The following GPR37 variants were observed in gnomAD, a reference collection of about 807,000 sequenced individuals.
GPR37 encodes the protein prosaposin receptor GPR37.
Under a neutral mutation model 43.6 loss-of-function variants are expected in GPR37, and 20 were observed. The ratio of observed to expected loss-of-function variants is 0.46; its 90% CI spans 0.32 to 0.67. The LOEUF is 0.67. Among genes scored for constraint, GPR37 ranks in the 30% least tolerant of loss-of-function variants. The pLI is 0.03. For synonymous variants in GPR37, 315 were observed against 322.6 expected (o/e 0.98, Z 0.25); for missense variants, 724 against 797.2 (o/e 0.91, Z 1.11).
chr7:124,747,268 G>C lies in GPR37; in HGVS notation c.1099C>G (p.Gln367Glu). ...IDRFRAATNV[Q>E]MYYEMIENCS... The stretch of plus-strand genomic sequence containing the variant: ...TTTTCGATCATTTCGTAGTACATCT[G>C]TACGTTGGTGGCAGCACGGAAGCGG... Residue 367 changes from glutamine to glutamate, a missense_variant, in exon 2 of 2, where the codon CAG becomes GAG. Coordinates refer to ENST00000303921, the MANE Select transcript of GPR37 (RefSeq NM_005302.5). 6.2e-7 allele frequency: 1 copy of C among 1,613,852 alleles called. No homozygotes were observed. Among genetic ancestry groups the C allele is most frequent in the Non-Finnish European group, 8.5e-7 (1 of 1,179,850 alleles).
Position 124,763,990 on chromosome 7 carries a change from C to T in GPR37, c.987G>A (p.Leu329=). 1 of 1,614,086 alleles carries T rather than the reference C, an allele frequency of 6.2e-7. No individual in the cohort carries two copies. Among genetic ancestry groups the T allele is most frequent in the Non-Finnish European group, 8.5e-7 (1 of 1,180,032 alleles). Residue 329 remains leucine (L), a synonymous_variant, in exon 1 of 2, where the codon CTG becomes CTA. Coordinates refer to ENST00000303921, the MANE Select transcript of GPR37 (RefSeq NM_005302.5). ...GCACGATCTTGCAGGAGAAGTCCTC[C>T]AGCAGCCACTTCTTGGTCAGCTCGT... ...IFHELTKKWL[L]EDFSCKIVPY...
Position 124,765,375 on chromosome 7 carries a change from G to C in GPR37, c.-399C>G, listed in dbSNP as rs1405247845. On this transcript the variant is annotated 5_prime_UTR_variant, in exon 1 of 2. Transcript: ENST00000303921. ...TTTGGGTGGGGGTGGTGGCCTTCTTGGTAACAGTTGCTCTGCCTATTTACA... is the reference window on the plus strand; with the variant it reads ...TTTGGGTGGGGGTGGTGGCCTTCTTCGTAACAGTTGCTCTGCCTATTTACA... 5 of 188,704 alleles carry C rather than the reference G, an allele frequency of 2.6e-5. No individual in the cohort carries two copies. The highest frequency in any genetic ancestry group is 1.2e-4 in the African/African-American group (5 of 42,914). 11.7% of individuals were successfully genotyped at this position (188,704 alleles called of 1,614,324 possible). A position where few individuals can be genotyped will look rare whatever the true frequency, so the allele number is the denominator to read the frequency against.
chr7:124,760,365 C>T (rs961225558), intron 1 of GPR37, among the ~76,000 whole-genome samples: 1 of 152,088 alleles, frequency 6.6e-6, no homozygotes, highest in South Asian at 2.1e-4. Flanking sequence ...CTTGTAATGT[C>T]CTTCACCAAT....
rs769431932 is a variant in GPR37, at chr7:124,763,940, C to A, written c.1023+14G>T. The A allele has an allele frequency of 2.5e-6, 4 of 1,611,858 alleles. No homozygotes were observed. Among genetic ancestry groups the A allele is most frequent in the Non-Finnish European group, 3.4e-6 (4 of 1,178,912 alleles). On this transcript the variant is annotated intron_variant, in intron 1 of 1. Transcript: ENST00000303921. The stretch of plus-strand genomic sequence containing the variant: ...GATAAAGCCACTAGCTTGAGAGCCC[C>A]TGGAAGGCATTACCTCTATATAGGG...
At chr7:124,759,391 G>A (rs1163166433) in intron 1 of GPR37, among the ~76,000 whole-genome samples, 3 of 152,094 alleles carry the variant, frequency 2.0e-5, no homozygotes, top group Non-Finnish European at 4.4e-5. Flanking sequence ...TTAAACACTT[G>A]TTAGATTCCT....
chr7:124,764,274 G>A lies in GPR37; in HGVS notation c.703C>T (p.Pro235Ser), dbSNP rs750079753. 1.3e-6 allele frequency: 2 copies of A among 1,599,210 alleles called. No individual in the cohort carries two copies. The highest frequency in any genetic ancestry group is 3.4e-5 in the Admixed American group (2 of 58,088). The change falls in exon 1 of 2, where the codon CCC (proline) becomes TCC (serine). Residue 235 changes from proline (P) to serine (S), a missense_variant. By Grantham distance (74) the Pro-to-Ser change is moderately conservative. This residue lies in a region of GPR37 where 382 missense variants were observed against 355.4 expected (regional missense o/e 1.07). Coordinates refer to ENST00000303921, the MANE Select transcript of GPR37 (RefSeq NM_005302.5). The surrounding 1 kb of genome is among the most constrained non-coding windows in gnomAD (Gnocchi z 5.4). ...LGEGIHEPGG[P>S]RRGNSTNRRV... ...CGGTTCGTGCTGTTTCCCCGGCGGGGACCCCCAGGCTCATGGATTCCTTCA... is the reference window on the plus strand; with the variant it reads ...CGGTTCGTGCTGTTTCCCCGGCGGGAACCCCCAGGCTCATGGATTCCTTCA...
intron 1 of GPR37, among the ~76,000 whole-genome samples, chr7:124,761,434 A>G (rs559775704): frequency 9.8e-5 from 15 of 152,320 alleles, no homozygotes; most frequent in African/African-American, 3.1e-4. Context: ...TCTTGCCTCA[A>G]TTTGGGATAT....
intron 1 of GPR37, among the ~76,000 whole-genome samples, chr7:124,748,296 C>A (rs976273631): frequency 5.3e-5 from 8 of 152,022 alleles, no homozygotes; most frequent in South Asian, 2.1e-4. Flanking sequence ...CAAATTCTAA[C>A]TGGGAGCCTG....
chr7:124,759,339 T>G (rs558398726), intron 1 of GPR37, among the ~76,000 whole-genome samples: 101 of 152,290 alleles, frequency 6.6e-4, no homozygotes, highest in Non-Finnish European at 1.2e-3. Flanking sequence ...AGTGCTGAGA[T>G]TACAGGGGTG....
At chr7:124,762,271 T>C (rs1217447592) in intron 1 of GPR37, among the ~76,000 whole-genome samples, 1 of 152,152 alleles carries the variant, frequency 6.6e-6, no homozygotes, top group African/African-American at 2.4e-5. Flanking sequence ...TCTTTTCTTT[T>C]AAGGTGTTCT....
Position 124,743,948 on chromosome 7 carries a change from A to C in GPR37, c.*2577T>G, listed in dbSNP as rs1360383795. ...GAAATGTTGAACAGAAATGATTAAC[A>C]ATTTTTTAAAAGTATATTATAGAAA... On this transcript the variant is annotated 3_prime_UTR_variant, in exon 2 of 2. Transcript: ENST00000303921. 2.0e-5 allele frequency: 3 copies of C among 151,204 alleles called. No individual in the cohort carries two copies. Among genetic ancestry groups the C allele is most frequent in the Non-Finnish European group, 4.4e-5 (3 of 67,824 alleles). 9.4% of individuals were successfully genotyped at this position (151,204 alleles called of 1,614,324 possible).
Position 124,764,232 on chromosome 7 carries a change from T to C in GPR37, c.745A>G (p.Asn249Asp). The C allele has an allele frequency of 6.3e-7, 1 of 1,595,964 alleles. No individual in the cohort carries two copies. The highest frequency in any genetic ancestry group is 8.5e-7 in the Non-Finnish European group (1 of 1,171,222). Residue 249 changes from asparagine to aspartate, a missense_variant, in exon 1 of 2, where the codon AAC (asparagine) becomes GAC (aspartate). Around this residue, in one of 2 missense-constraint regions of GPR37, gnomAD observed 382 missense variants for 355.4 expected, o/e 1.07. Coordinates refer to ENST00000303921, the MANE Select transcript of GPR37 (RefSeq NM_005302.5). The surrounding 1 kb of genome is among the most constrained non-coding windows in gnomAD (Gnocchi z 5.4). The part of the protein sequence containing the change: ...NSTNRRVRLK[N>D]PFYPLTQESY... ...TCCTGGGTCAGCGGGTAGAAGGGGT[T>C]CTTCAGTCTCACACGCCGGTTCGTG... is the stretch of plus-strand genomic sequence containing the variant.
intron 1 of GPR37, among the ~76,000 whole-genome samples, chr7:124,759,317 T>C (rs550935022): frequency 6.6e-6 from 1 of 152,160 alleles, no homozygotes; most frequent in African/African-American, 2.4e-5. Context: ...TCTGCCTGCA[T>C]AGGCCTCCCA....
chr7:124,749,990 G>A (rs1793714086), intron 1 of GPR37, among the ~76,000 whole-genome samples: 1 of 152,054 alleles, frequency 6.6e-6, no homozygotes, highest in South Asian at 2.1e-4. Flanking sequence ...ATGAAAATTT[G>A]TTTTGCGTCT....
chr7:124,759,107 C>T (rs1793824851), intron 1 of GPR37, among the ~76,000 whole-genome samples: 2 of 150,194 alleles, frequency 1.3e-5, no homozygotes, highest in Admixed American at 1.3e-4. Flanking sequence ...CACTCTGTCA[C>T]CTAGGCTGGA....
chr7:124,750,465 T>C (rs1584723877), intron 1 of GPR37, among the ~76,000 whole-genome samples: 1 of 152,306 alleles, frequency 6.6e-6, no homozygotes, highest in South Asian at 2.1e-4. Flanking sequence ...CTGGAGACTC[T>C]GAGGAGAGGC....
intron 1 of GPR37, among the ~76,000 whole-genome samples, chr7:124,760,485 C>T (rs1335842636): frequency 6.6e-6 from 1 of 152,110 alleles, no homozygotes; most frequent in African/African-American, 2.4e-5. Context: ...CAGATTACTG[C>T]AATTTAAAAA....
At chr7:124,762,081 TAAG>T (rs963321448) in intron 1 of GPR37, among the ~76,000 whole-genome samples, 3 of 152,076 alleles carry the variant, frequency 2.0e-5, no homozygotes, top group African/African-American at 4.8e-5. Flanking sequence ...AAAGCACTCT[TAAG>T]GAGGAGCTGA....
chr7:124,764,120 A>C lies in GPR37; in HGVS notation c.857T>G (p.Val286Gly). 2 of 1,612,886 alleles carry C rather than the reference A, an allele frequency of 1.2e-6. No individual in the cohort carries two copies. The highest frequency in any genetic ancestry group is 1.7e-6 in the Non-Finnish European group (2 of 1,179,328). The change falls in exon 1 of 2, where the codon GTG becomes GGG. Residue 286 changes from valine (V) to glycine (G), a missense_variant. Coordinates refer to ENST00000303921, the MANE Select transcript of GPR37 (RefSeq NM_005302.5). The surrounding 1 kb of genome is among the most constrained non-coding windows in gnomAD (Gnocchi z 5.4). Reference protein sequence around the residue: ...IIGNLAVMCIVCHNYYMRSIS... With the variant: ...IIGNLAVMCIGCHNYYMRSIS... ...GCTCCGCATGTAGTAGTTGTGGCAC[A>C]CGATGCACATCACCGCCAGGTTGCC...
Sources: gnomAD v4.1 joint callset for allele counts (sites outside exome capture counted in the v4.1 genomes callset) on GRCh38, gnomAD v4.1.1 for gene constraint, gnomAD v4.1.1 regional missense constraint, Gnocchi (gnomAD v3.1) non-coding constraint, MANE v1.5 for transcripts, NCBI Gene and HGNC (gene_info 2026-07-23, HGNC 2026-07-21) for gene names.